SYCP2L: variants seen among roughly 807,000 people sequenced by gnomAD.
SYCP2L encodes synaptonemal complex protein 2 like.
Under a neutral mutation model 125.8 loss-of-function variants are expected in SYCP2L, and 98 were observed. The observed-to-expected ratio is 0.78, with a 90% CI of 0.66 to 0.92. SYCP2L has a LOEUF of 0.92. SYCP2L is among the 40% of genes least tolerant of loss of function. The probability of loss-of-function intolerance (pLI) is 0.00; values close to 1 mark genes in which losing one functional copy is unlikely to be tolerated. For missense variants in SYCP2L, 842 were observed against 936.4 expected (o/e 0.90, Z 1.32); for synonymous variants, 317 against 325.4 (o/e 0.97, Z 0.28).
intron 18 of SYCP2L, among the ~76,000 whole-genome samples, chr6:10,929,471 CAT>C (rs1471678242): frequency 1.3e-5 from 2 of 152,126 alleles, no homozygotes; most frequent in East Asian, 1.9e-4. Context: ...CAAGCACAAA[CAT>C]GTATTCATCA....
intron 11 of SYCP2L, among the ~76,000 whole-genome samples, 186 bp downstream of exon 11, chr6:10,910,386 C>G (rs9467921): frequency 0.32 from 49,268 of 151,958 alleles, 8,753 homozygotes; most frequent in East Asian, 0.54. Context: ...GTGGCTTGTT[C>G]GAGTGTGTTT....
chr6:10,917,525 T>G (rs1369315014), intron 14 of SYCP2L, among the ~76,000 whole-genome samples: 1 of 152,186 alleles, frequency 6.6e-6, no homozygotes, highest in Non-Finnish European at 1.5e-5. Context: ...TTACCTTAAG[T>G]TTATGTGAGT....
intron 1 of SYCP2L, among the ~76,000 whole-genome samples, chr6:10,888,461 A>G (rs1051009758): frequency 2.6e-5 from 4 of 151,994 alleles, no homozygotes; most frequent in Admixed American, 1.3e-4. Context: ...TGCCTAAACC[A>G]TCCCACTTTC....
intron 10 of SYCP2L, 140 bp downstream of exon 10, chr6:10,907,824 C>T: frequency 1.4e-6 from 1 of 690,102 alleles, no homozygotes; most frequent in Non-Finnish European, 2.3e-6. Flanking sequence ...TTGTTTCTCA[C>T]TTAGGAGAAA....
chr6:10,913,777 C>A (rs1780645232), intron 14 of SYCP2L, among the ~76,000 whole-genome samples: 1 of 151,902 alleles, frequency 6.6e-6, no homozygotes. Flanking sequence ...GTTTTTTGGT[C>A]ATGAAATCCT....
intron 15 of SYCP2L, among the ~76,000 whole-genome samples, chr6:10,925,857 A>G (rs1397251182): frequency 1.3e-5 from 2 of 152,044 alleles, no homozygotes; most frequent in Non-Finnish European, 2.9e-5. Flanking sequence ...TCGAAATCAT[A>G]TGTCTTTCCA....
chr6:10,907,572 C>T lies in SYCP2L; in HGVS notation c.707C>T (p.Ala236Val), dbSNP rs762330583. The T allele has an allele frequency of 1.5e-5, 24 of 1,612,740 alleles. No homozygotes were observed. Among genetic ancestry groups the T allele is most frequent in the African/African-American group, 2.7e-5 (2 of 74,826 alleles). Residue 236 changes from alanine to valine, a missense_variant, in exon 10 of 30, where the codon GCG becomes GTG. By Grantham distance (64) the Ala-to-Val change is moderately conservative (BLOSUM62 0). Coordinates refer to ENST00000283141, the MANE Select transcript of SYCP2L (RefSeq NM_001040274.3). ...DYDQQVAISEALCRLTIKKSR... is the reference protein window; with the variant it reads ...DYDQQVAISEVLCRLTIKKSR... ...GACCAGCAGGTTGCTATTTCTGAAGCGCTGTGTAGACTGACGATTAAAAAA... is the reference window on the plus strand; with the variant it reads ...GACCAGCAGGTTGCTATTTCTGAAGTGCTGTGTAGACTGACGATTAAAAAA...
At chr6:10,929,143 C>T (rs111649403) in intron 18 of SYCP2L, among the ~76,000 whole-genome samples, 3,363 of 151,916 alleles carry the variant, frequency 0.022, 159 homozygotes, top group East Asian at 0.21. Context: ...CACCAGCCTC[C>T]GCCTCCCAAA....
At chr6:10,917,054 G>T (rs992850150) in intron 14 of SYCP2L, among the ~76,000 whole-genome samples, 1 of 152,140 alleles carries the variant, frequency 6.6e-6, no homozygotes, top group African/African-American at 2.4e-5. Flanking sequence ...CTTGTTTTGT[G>T]GTCTTCTCAT....
intron 21 of SYCP2L, among the ~76,000 whole-genome samples, chr6:10,942,103 C>T (rs1163695728): frequency 3.8e-5 from 5 of 132,234 alleles, no homozygotes; most frequent in Non-Finnish European, 7.6e-5. Flanking sequence ...ACAATGAGAA[C>T]ACATGGACAC....
intron 29 of SYCP2L, among the ~76,000 whole-genome samples, chr6:10,967,789 C>A (rs73434822): frequency 0.019 from 2,867 of 152,266 alleles, 90 homozygotes; most frequent in African/African-American, 0.064. Flanking sequence ...GTTCTTTCTT[C>A]CTAGTTAGCA....
chr6:10,942,845 C>T, intron 23 of SYCP2L, 99 bp downstream of exon 23: 2 of 1,083,856 alleles, frequency 1.8e-6, no homozygotes, highest in Admixed American at 2.5e-5. Context: ...GATCAAGTCA[C>T]TTTGCACAGT....
intron 24 of SYCP2L, 57 bp from the exon 25 acceptor site, chr6:10,956,079 C>A (rs1189640063): frequency 2.2e-6 from 3 of 1,393,252 alleles, no homozygotes; most frequent in East Asian, 4.7e-5. Flanking sequence ...ATGAATTGAG[C>A]AAGTCTACTT....
At chr6:10,923,592 G>A (rs112221744) in intron 14 of SYCP2L, among the ~76,000 whole-genome samples, 105 of 151,604 alleles carry the variant, frequency 6.9e-4, no homozygotes, top group African/African-American at 1.8e-3. Context: ...CAGTGTGTTG[G>A]TCAGGCTGGT....
chr6:10,920,442 C>T (rs113958370), intron 14 of SYCP2L, among the ~76,000 whole-genome samples: 4,331 of 152,248 alleles, frequency 0.028, 206 homozygotes, highest in African/African-American at 0.097. Context: ...GTCTCGAACT[C>T]CTGACCTCAA....
At chr6:10,914,296 T>G (rs889546884) in intron 14 of SYCP2L, among the ~76,000 whole-genome samples, 1 of 152,170 alleles carries the variant, frequency 6.6e-6, no homozygotes, top group Non-Finnish European at 1.5e-5. Flanking sequence ...TCCCTACTTT[T>G]ATGTTTTTGT....
chr6:10,912,700 G>T lies in SYCP2L; in HGVS notation c.946G>T (p.Glu316Ter). 8 of 1,613,530 alleles carry T rather than the reference G, an allele frequency of 5.0e-6. No homozygotes were observed. The highest frequency in any genetic ancestry group is 6.8e-6 in the Non-Finnish European group (8 of 1,179,878). Residue 316 changes from glutamate (E) to a stop codon, truncating the protein, a stop_gained, in exon 13 of 30, where the codon GAG (glutamate) becomes TAG (stop). Coordinates refer to ENST00000283141, the MANE Select transcript of SYCP2L (RefSeq NM_001040274.3). LOFTEE classifies it high-confidence loss of function. This position sits in a 1 kb window ranked among gnomAD's most constrained non-coding sequence, Gnocchi z 4.1. ...GAGAAAACCAGCGGATGAAAAATTA[G>T]AGAAATTTTGGATCGACTTCAACCT... The part of the protein sequence containing the change: ...EMRKPADEKL[E>*]KFWIDFNLGS...
intron 23 of SYCP2L, among the ~76,000 whole-genome samples, chr6:10,949,296 A>G (rs993103297): frequency 3.9e-5 from 6 of 152,096 alleles, no homozygotes; most frequent in African/African-American, 1.2e-4. Flanking sequence ...GCTATATCAC[A>G]TTTTGATATT....
In SYCP2L at chr6:10,912,816, A is replaced by G. The variant is rs867152081; in HGVS notation, c.1011+51A>G. ...AACTAAGCCTTTAGAGATCTTTTTT[A>G]TGTAAGTATGTGTTTTGCACTCATG... is the stretch of plus-strand genomic sequence containing the variant. On this transcript the variant is annotated intron_variant, in intron 13 of 29. Coordinates refer to ENST00000283141, the MANE Select transcript of SYCP2L (RefSeq NM_001040274.3). This position sits in a 1 kb window ranked among gnomAD's most constrained non-coding sequence, Gnocchi z 4.1. The G allele has an allele frequency of 2.5e-6, 4 of 1,608,254 alleles. No individual in the cohort carries two copies. The African/African-American group carries it at 4.0e-5, about 16-fold the overall frequency.
Sources: allele counts gnomAD v4.1 joint callset (sites outside exome capture counted in the v4.1 genomes callset), GRCh38; gene constraint gnomAD v4.1.1; non-coding constraint Gnocchi (gnomAD v3.1); transcripts MANE v1.5; gene names NCBI Gene and HGNC (gene_info 2026-07-23, HGNC 2026-07-21).